The following RBFOX1 variants were observed in gnomAD, a reference collection of about 807,000 sequenced individuals.
RBFOX1 encodes RNA binding fox-1 homolog 1.
RBFOX1 carries 8 observed loss-of-function variants against 57.7 expected under a neutral mutation model. The observed-to-expected ratio is 0.14, with a 90% CI of 0.08 to 0.25. The LOEUF is 0.25. RBFOX1 is among the 10% of genes least tolerant of loss of function. The pLI, the probability that RBFOX1 is intolerant of heterozygous loss-of-function variation, is 1.00. For missense variants in RBFOX1, 611 were observed against 548.5 expected (o/e 1.11, Z -1.14); for synonymous variants, 326 against 222.4 (o/e 1.47, Z -4.15).
chr16:6,575,683 C>T lies in RBFOX1; in HGVS notation c.-63-78920C>T, dbSNP rs188602173. The stretch of plus-strand genomic sequence containing the variant: ...GACCAGACTGATCAATGTGGTGAAA[C>T]ACTGTCTGTACTAAAAGTACAGAAA... On this transcript the variant is annotated intron_variant, in intron 2 of 15. Coordinates refer to ENST00000550418, the MANE Select transcript of RBFOX1 (RefSeq NM_018723.4). Among the ~76,000 whole-genome samples, 12 of 152,074 alleles carry T rather than the reference C, an allele frequency of 7.9e-5. No individual in the cohort carries two copies. The East Asian group carries it at 2.3e-3, about 30-fold the overall frequency.
intron 3 of RBFOX1, among the ~76,000 whole-genome samples, chr16:5,854,582 T>TCACACACACA (rs3041543): frequency 1.3e-5 from 2 of 148,668 alleles, no homozygotes; most frequent in East Asian, 2.0e-4. Flanking sequence ...AAGCACACAT[T>TCACACACACA]CACACACACA....
chr16:7,091,591 C>T (rs1440865530), intron 4 of RBFOX1, among the ~76,000 whole-genome samples: 1 of 152,128 alleles, frequency 6.6e-6, no homozygotes, highest in Admixed American at 6.5e-5. Context: ...AGTCCTCTAC[C>T]TCCCAGAGTG....
intron 2 of RBFOX1, among the ~76,000 whole-genome samples, chr16:5,598,292 C>G (rs2047254235): frequency 1.3e-5 from 2 of 151,836 alleles, no homozygotes; most frequent in Admixed American, 6.6e-5. Context: ...CAAAGTGTTG[C>G]TGGAGTGGAA....
chr16:6,328,315 A>C (rs1255286915), intron 2 of RBFOX1, among the ~76,000 whole-genome samples: 1 of 152,170 alleles, frequency 6.6e-6, no homozygotes, highest in Non-Finnish European at 1.5e-5. Flanking sequence ...AAAAGACTAC[A>C]AACTGGGTTC....
At chr16:5,248,987 CAAAAAAAA>C (rs56146545) in intron 1 of RBFOX1, among the ~76,000 whole-genome samples, 21 of 63,336 alleles carry the variant, frequency 3.3e-4, no homozygotes, top group South Asian at 9.1e-4. Context: ...GACTCCATCT[CAAAAAAAA>C]AAAAAAAAAA....
intron 3 of RBFOX1, among the ~76,000 whole-genome samples, chr16:7,044,702 A>G (rs913686592): frequency 6.8e-6 from 1 of 146,826 alleles, no homozygotes; most frequent in Non-Finnish European, 1.5e-5. Flanking sequence ...GCCATGGGAG[A>G]AAAAAAATAT....
At chr16:7,664,677 G>C in intron 12 of RBFOX1, 2 of 566,234 alleles carry the variant, frequency 3.5e-6, no homozygotes, top group Non-Finnish European at 3.1e-6. Context: ...TCCTGAGAGA[G>C]TGGGAAGTTT....
At chr16:5,784,669 G>A (rs144095551) in intron 3 of RBFOX1, among the ~76,000 whole-genome samples, 50 of 152,246 alleles carry the variant, frequency 3.3e-4, no homozygotes, top group Middle Eastern at 3.4e-3. Context: ...TTTGGGTGAC[G>A]ACACAGATCG....
chr16:6,537,341 C>T (rs1476980), intron 2 of RBFOX1, among the ~76,000 whole-genome samples: 21,427 of 151,964 alleles, frequency 0.14, 1,766 homozygotes, highest in East Asian at 0.41. Context: ...AGAATTGCAT[C>T]CAGAGGAGAA....
chr16:6,512,487 C>G (rs2096275512), intron 2 of RBFOX1, among the ~76,000 whole-genome samples: 1 of 152,074 alleles, frequency 6.6e-6, no homozygotes, highest in African/African-American at 2.4e-5. Context: ...TGGGACAAGT[C>G]CAGCATCAGA....
chr16:5,772,594 A>G (rs898350799), intron 3 of RBFOX1, among the ~76,000 whole-genome samples: 3 of 152,220 alleles, frequency 2.0e-5, no homozygotes, highest in Non-Finnish European at 4.4e-5. Context: ...GTATTTATTC[A>G]TGGCTGATTT....
chr16:7,201,651 A>T (rs1266570748), intron 4 of RBFOX1, among the ~76,000 whole-genome samples: 1 of 151,894 alleles, frequency 6.6e-6, no homozygotes, highest in African/African-American at 2.4e-5. Flanking sequence ...TTTAGCAGAG[A>T]TATGGTTTCA....
At chr16:5,779,837 A>G (rs1253167304) in intron 3 of RBFOX1, among the ~76,000 whole-genome samples, 5 of 152,178 alleles carry the variant, frequency 3.3e-5, no homozygotes, top group Non-Finnish European at 5.9e-5. Context: ...GTTTGCCTAC[A>G]CTGTGACTTT....
intron 4 of RBFOX1, among the ~76,000 whole-genome samples, chr16:5,939,873 G>A (rs564431279): frequency 6.6e-6 from 1 of 152,328 alleles, no homozygotes; most frequent in African/African-American, 2.4e-5. Context: ...GGTTGACAGT[G>A]TGGTGGGATG....
chr16:7,054,717 A>G (rs1185633631), intron 4 of RBFOX1, among the ~76,000 whole-genome samples: 1 of 152,182 alleles, frequency 6.6e-6, no homozygotes, highest in Non-Finnish European at 1.5e-5. Context: ...ACTGTCTGCA[A>G]GCCACAATAA....
chr16:6,471,609 A>G (rs1392057272), intron 2 of RBFOX1, among the ~76,000 whole-genome samples: 3 of 150,458 alleles, frequency 2.0e-5, no homozygotes, highest in South Asian at 2.1e-4. Context: ...CTAGTGGCAG[A>G]GAATTTGTAT....
intron 4 of RBFOX1, among the ~76,000 whole-genome samples, chr16:7,204,149 C>T (rs1260699197): frequency 6.6e-6 from 1 of 152,212 alleles, no homozygotes; most frequent in Admixed American, 6.5e-5. Context: ...AGATACCTGC[C>T]AGAAGGCTTT....
intron 1 of RBFOX1, among the ~76,000 whole-genome samples, chr16:6,103,551 C>A (rs1000218419): frequency 6.6e-6 from 1 of 152,078 alleles, no homozygotes; most frequent in East Asian, 1.9e-4. Context: ...AAGCCATGAA[C>A]AAGTTTTCTA....
At chr16:6,443,539 C>T (rs1287561849) in intron 2 of RBFOX1, among the ~76,000 whole-genome samples, 1 of 152,126 alleles carries the variant, frequency 6.6e-6, no homozygotes, top group South Asian at 2.1e-4. Context: ...GGAGCCTTAA[C>T]AATACTTGAA....
Sources: allele counts gnomAD v4.1 joint callset (sites outside exome capture counted in the v4.1 genomes callset), GRCh38; gene constraint gnomAD v4.1.1; transcripts MANE v1.5; gene names NCBI Gene and HGNC (gene_info 2026-07-23, HGNC 2026-07-21).